The following GRIK2 variants were observed in gnomAD, a reference collection of about 807,000 sequenced individuals.
GRIK2 encodes the protein glutamate receptor ionotropic, kainate 2.
In GRIK2, 32 loss-of-function variants were observed where a neutral mutation model predicts 100.3. That is an observed-to-expected ratio of 0.32 (90% CI 0.24 to 0.43). GRIK2 has a LOEUF of 0.43. Ranked by LOEUF, GRIK2 falls within the 20% of genes least tolerant of loss-of-function variation. GRIK2 has a pLI of 1.00. For synonymous variants in GRIK2, 417 were observed against 389.4 expected (o/e 1.07, Z -0.83); for missense variants, 843 against 1,114.9 (o/e 0.76, Z 3.47).
At chr6:101,550,826 C>T (rs1183153233) in intron 2 of GRIK2, among the ~76,000 whole-genome samples, 2 of 152,182 alleles carry the variant, frequency 1.3e-5, no homozygotes, top group Non-Finnish European at 2.9e-5. Flanking sequence ...GAATACCCAT[C>T]TGCCACTAAT....
rs1174890884 is a variant in GRIK2, at chr6:101,757,971, C to T, written c.952-41677C>T. On this transcript the variant is annotated intron_variant, in intron 7 of 16. Coordinates refer to ENST00000369134, the MANE Select transcript of GRIK2 (RefSeq NM_021956.5). ...AACTGGGTGCAATGGCACAAGCCTA[C>T]AATACCAGCACTTTGGGAGGCTGAG... Among the ~76,000 whole-genome samples the T allele has an allele frequency of 3.3e-5, 5 of 152,266 alleles. No individual in the cohort carries two copies. The East Asian group carries it at 5.8e-4, about 18-fold the overall frequency.
At chr6:102,008,779 C>T (rs1020936522) in intron 14 of GRIK2, among the ~76,000 whole-genome samples, 1 of 151,996 alleles carries the variant, frequency 6.6e-6, no homozygotes, top group African/African-American at 2.4e-5. Flanking sequence ...TGCTTCAGGA[C>T]TTTGAAAAAT....
chr6:101,864,530 T>C (rs549833842), intron 11 of GRIK2, among the ~76,000 whole-genome samples: 8 of 152,326 alleles, frequency 5.3e-5, no homozygotes, highest in African/African-American at 1.9e-4. Context: ...AGCTACTTAA[T>C]GGGTTTTCAA....
intron 4 of GRIK2, among the ~76,000 whole-genome samples, chr6:101,634,390 C>T (rs9390765): frequency 0.17 from 26,566 of 151,934 alleles, 2,540 homozygotes; most frequent in East Asian, 0.3. Context: ...AGAGAGAAGA[C>T]GGTGTCTGCT....
At chr6:101,445,102 C>G (rs142860445) in intron 2 of GRIK2, among the ~76,000 whole-genome samples, 512 of 152,174 alleles carry the variant, frequency 3.4e-3, no homozygotes, top group Middle Eastern at 0.01. Flanking sequence ...GAGAGGCAGG[C>G]TCAGAATACT....
intron 2 of GRIK2, among the ~76,000 whole-genome samples, chr6:101,418,435 G>A (rs764691639): frequency 2.6e-5 from 4 of 152,012 alleles, no homozygotes; most frequent in Non-Finnish European, 4.4e-5. Context: ...TTTTTCTATC[G>A]ACATTTGTAA....
intron 14 of GRIK2, among the ~76,000 whole-genome samples, chr6:101,929,185 C>T (rs968291725): frequency 8.5e-5 from 13 of 152,098 alleles, no homozygotes; most frequent in African/African-American, 3.1e-4. Flanking sequence ...AGAGACAGCC[C>T]TGTGGAACAT....
At chr6:101,896,235 T>C (rs574331644) in intron 12 of GRIK2, among the ~76,000 whole-genome samples, 5 of 151,840 alleles carry the variant, frequency 3.3e-5, no homozygotes, top group Admixed American at 3.3e-4. Flanking sequence ...TCAGTTGTGA[T>C]AAATATGGTA....
intron 2 of GRIK2, among the ~76,000 whole-genome samples, chr6:101,405,571 G>A (rs1329689685): frequency 1.3e-5 from 2 of 152,074 alleles, no homozygotes; most frequent in Non-Finnish European, 2.9e-5. Context: ...TCTTTCTGCA[G>A]TTTCAATAGA....
intron 11 of GRIK2, among the ~76,000 whole-genome samples, chr6:101,860,071 C>T (rs1378053004): frequency 4.0e-5 from 6 of 151,824 alleles, no homozygotes; most frequent in Admixed American, 3.3e-4. Context: ...CTCCATCCCT[C>T]TTTCTTAAGA....
chr6:101,659,954 G>T (rs1351853126), intron 4 of GRIK2, among the ~76,000 whole-genome samples: 2 of 151,996 alleles, frequency 1.3e-5, no homozygotes, highest in South Asian at 2.1e-4. Context: ...TGTCTTTGGG[G>T]TTGCTCTTCT....
At chr6:101,885,995 T>C (rs1786586375) in intron 11 of GRIK2, among the ~76,000 whole-genome samples, 2 of 152,180 alleles carry the variant, frequency 1.3e-5, no homozygotes, top group Non-Finnish European at 2.9e-5. Context: ...ATGCATAATG[T>C]GTATCCACCA....
Position 102,068,222 on chromosome 6 carries a change from A to G in GRIK2, c.2563-125A>G, listed in dbSNP as rs184640663. On this transcript the variant is annotated intron_variant, in intron 16 of 16. Coordinates refer to ENST00000369134, the MANE Select transcript of GRIK2 (RefSeq NM_021956.5). The stretch of plus-strand genomic sequence containing the variant: ...TGTGACATTTGTTATAACTTTTACA[A>G]TGAAAATTTTCAAACCTTCAAGGAT... 1.0e-3 allele frequency: 663 copies of G among 641,996 alleles called. No individual in the cohort carries two copies. Among genetic ancestry groups the G allele is most frequent in the Non-Finnish European group, 1.5e-3 (573 of 375,286 alleles). 39.8% of individuals were successfully genotyped at this position (641,996 alleles called of 1,614,324 possible).
intron 13 of GRIK2, 134 bp downstream of exon 13, chr6:101,924,853 C>G (rs1766956841): frequency 1.6e-6 from 1 of 637,320 alleles, no homozygotes; most frequent in Admixed American, 2.6e-5. Flanking sequence ...TTCCATCGAC[C>G]TAATGCATTT....
At chr6:101,404,028 G>A (rs1775476122) in intron 2 of GRIK2, among the ~76,000 whole-genome samples, 2 of 152,166 alleles carry the variant, frequency 1.3e-5, no homozygotes, top group South Asian at 4.1e-4. Context: ...TGATCTTTTT[G>A]TCTTCTAGAA....
intron 11 of GRIK2, among the ~76,000 whole-genome samples, chr6:101,876,260 C>T (rs553304393): frequency 1.9e-3 from 283 of 151,702 alleles, no homozygotes; most frequent in African/African-American, 6.6e-3. Context: ...ATTTTTCCTC[C>T]TTATAATGTC....
At chr6:101,972,597 T>TTTTTTTTTTTTTTTTTTGA (rs1554185303) in intron 14 of GRIK2, among the ~76,000 whole-genome samples, 3 of 151,108 alleles carry the variant, frequency 2.0e-5, no homozygotes, top group Non-Finnish European at 4.4e-5. Context: ...CTACTTTTAT[T>TTTTTTTTTTTTTTTTTTGA]GCAATTGCTT....
chr6:101,758,146 C>T (rs1415549994), intron 7 of GRIK2, among the ~76,000 whole-genome samples: 1 of 152,074 alleles, frequency 6.6e-6, no homozygotes, highest in Admixed American at 6.6e-5. Context: ...TTGCTTGAGC[C>T]TGGGAGAGGG....
intron 2 of GRIK2, among the ~76,000 whole-genome samples, chr6:101,589,112 A>T (rs995876255): frequency 1.3e-5 from 2 of 152,048 alleles, no homozygotes; most frequent in Non-Finnish European, 2.9e-5. Context: ...AGTGGAGTGG[A>T]GGGGGCTGCG....
Sources: allele counts gnomAD v4.1 joint callset (sites outside exome capture counted in the v4.1 genomes callset), GRCh38; gene constraint gnomAD v4.1.1; transcripts MANE v1.5; gene names NCBI Gene and HGNC (gene_info 2026-07-23, HGNC 2026-07-21).